ZNF641: variants seen among roughly 807,000 people sequenced by gnomAD.
The protein encoded by ZNF641 is zinc finger protein 641.
In ZNF641, 26 loss-of-function variants were observed where a neutral mutation model predicts 46.2. The ratio of observed to expected loss-of-function variants is 0.56; its 90% CI spans 0.41 to 0.78. ZNF641 has a LOEUF of 0.78. ZNF641 is among the 30% of genes least tolerant of loss of function. The pLI is 0.00. For missense variants in ZNF641, 469 were observed against 517.8 expected, an observed-to-expected ratio of 0.91 and a Z score of 0.91; for synonymous variants, 163 against 187.9, an observed-to-expected ratio of 0.87 and a Z score of 1.09.
rs1285063926 is a variant in ZNF641 at position 48,340,758 on chromosome 12, T to TA, written c.*2214dup. ...GTTTCTGTCAGATTCAACAGGTCTG[T>TA]ACCCAAGACAGGTTCTGAACCATTG... On this transcript the variant is annotated 3_prime_UTR_variant, in exon 6 of 6. Coordinates refer to ENST00000547026, the MANE Select transcript of ZNF641 (RefSeq NM_001172681.2). 2 of 985,312 alleles carry TA rather than the reference T, an allele frequency of 2.0e-6. No homozygotes were observed. The highest frequency in any genetic ancestry group is 3.5e-5 in the African/African-American group (2 of 57,250). 61.0% of individuals were successfully genotyped at this position (985,312 alleles called of 1,614,324 possible).
rs201234630 is a variant in ZNF641 at position 48,348,129 on chromosome 12, A to G, written c.-25-14T>C. On this transcript the variant is annotated splice_polypyrimidine_tract_variant and intron_variant, in intron 1 of 5. Coordinates refer to ENST00000547026, the MANE Select transcript of ZNF641 (RefSeq NM_001172681.2). ...CCAAATTGTGACCTGGAACAAATTC[A>G]TATCAGCAATGCCCATGAAAATGGG... 1.9e-5 allele frequency: 31 copies of G among 1,613,364 alleles called. No homozygotes were observed. The Admixed American group carries it at 2.7e-4, about 14-fold the overall frequency.
rs1376932952 is a variant in ZNF641 at position 48,343,366 on chromosome 12, G to C, written c.882C>G (p.Ile294Met). The change falls in exon 6 of 6, where the codon ATC becomes ATG. Residue 294 changes from isoleucine (I) to methionine (M), a missense_variant. Ile to Met is a conservative substitution (Grantham distance 10, BLOSUM62 1). Coordinates refer to ENST00000547026, the MANE Select transcript of ZNF641 (RefSeq NM_001172681.2). ...CATGTAGGTGGGTTTTCTGGTGCCT[G>C]ATGAGGTGATGTCTTCGCCCAAAGG... ...EKTFGRRHHLIRHQKTHLHDK... is the reference protein window; with the variant it reads ...EKTFGRRHHLMRHQKTHLHDK... 6.2e-7 allele frequency: 1 copy of C among 1,614,090 alleles called. No homozygotes were observed. The highest frequency in any genetic ancestry group is 8.5e-7 in the Non-Finnish European group (1 of 1,180,048).
chr12:48,344,848 C>A, intron 4 of ZNF641, 136 bp from the exon 5 acceptor site: 1 of 594,582 alleles, frequency 1.7e-6, no homozygotes, highest in East Asian at 2.9e-5. Flanking sequence ...AACATATCCC[C>A]ACCCCAACCT....
At chr12:48,345,565 G>A in intron 3 of ZNF641, 91 bp from the exon 4 acceptor site, 1 of 1,525,068 alleles carries the variant, frequency 6.6e-7, no homozygotes, top group African/African-American at 1.4e-5. Context: ...AGGAGAGAGG[G>A]TGAGAAATGA....
At position 48,339,931 on chromosome 12, in the gene ZNF641, G is replaced by T; in HGVS notation, c.*3042C>A. ...CTTTGAAAGATACTATGTTGGGGTG[G>T]AAAGGGGAGGATACTCAGAATAGGG... On this transcript the variant is annotated 3_prime_UTR_variant, in exon 6 of 6. Coordinates refer to ENST00000547026, the MANE Select transcript of ZNF641 (RefSeq NM_001172681.2). The T allele has an allele frequency of 1.0e-6, 1 of 985,314 alleles. No homozygotes were observed. The highest frequency in any genetic ancestry group is 1.7e-5 in the African/African-American group (1 of 57,366). 61.0% of individuals were successfully genotyped at this position (985,314 alleles called of 1,614,324 possible).
chr12:48,343,284 C>A lies in ZNF641; in HGVS notation c.964G>T (p.Ala322Ser). Residue 322 changes from alanine (A) to serine (S), a missense_variant, in exon 6 of 6, where the codon GCC becomes TCC. Transcript: ENST00000547026. Reference protein sequence around the residue: ...GKNFRCNSHLASHQRVHAEGK... With the variant: ...GKNFRCNSHLSSHQRVHAEGK... ...TCTGCATGCACTCTCTGGTGGCTGG[C>A]CAGATGGGAGTTGCATCGGAAATTC... 11 of 1,614,216 alleles carry A rather than the reference C, an allele frequency of 6.8e-6. No homozygotes were observed. Among genetic ancestry groups the A allele is most frequent in the Non-Finnish European group, 9.3e-6 (11 of 1,180,042 alleles).
At chr12:48,336,728 C>G (rs1473359603), downstream of ZNF641, among the ~76,000 whole-genome samples, 1 of 152,238 alleles carries the variant, frequency 6.6e-6, no homozygotes, top group African/African-American at 2.4e-5. Flanking sequence ...GTCACACTCA[C>G]TACCGCCACC....
rs182538082 is a variant in ZNF641 at position 48,348,264 on chromosome 12, C to T, written c.-25-149G>A. The T allele has an allele frequency of 1.1e-4, 85 of 801,858 alleles. No individual in the cohort carries two copies. The Admixed American group carries it at 1.3e-3, about 12-fold the overall frequency. 49.7% of individuals were successfully genotyped at this position (801,858 alleles called of 1,614,324 possible). A position where few individuals can be genotyped will look rare whatever the true frequency, so the allele number is the denominator to read the frequency against. ...TGAACTTTAAAAGCTTGATGTGTTC[C>T]GATCAACGGAGCCTGCACCAAGCTT... On this transcript the variant is annotated intron_variant, in intron 1 of 5. Transcript: ENST00000547026.
chr12:48,341,295 T>G lies in ZNF641; in HGVS notation c.*1678A>C. The G allele has an allele frequency of 6.1e-6, 6 of 985,430 alleles. No homozygotes were observed. Among genetic ancestry groups the G allele is most frequent in the Non-Finnish European group, 7.2e-6 (6 of 829,926 alleles). The allele number at this position is 985,430 out of a possible 1,614,324, so 61.0% of individuals were successfully genotyped here. On this transcript the variant is annotated 3_prime_UTR_variant, in exon 6 of 6. Transcript: ENST00000547026. ...GTATCTAAGCATTAAAGAGAAAATA[T>G]CCCACTTTGCTCCTCTTCCTCCCTA... is the stretch of plus-strand genomic sequence containing the variant.
Position 48,342,103 on chromosome 12 carries a change from G to A in ZNF641, c.*870C>T. ...CAAGAGGAGAGAGGGGACTGTTCAA[G>A]GGGATAAAGTTTTTTTTGTTTTTCT... On this transcript the variant is annotated 3_prime_UTR_variant, in exon 6 of 6. Transcript: ENST00000547026. 1.0e-6 allele frequency: 1 copy of A among 985,530 alleles called. No individual in the cohort carries two copies. The highest frequency in any genetic ancestry group is 1.2e-6 in the Non-Finnish European group (1 of 830,022). 61.0% of individuals were successfully genotyped at this position (985,530 alleles called of 1,614,324 possible).
Position 48,343,139 on chromosome 12 carries a change from C to T in ZNF641, c.1109G>A (p.Arg370Lys). 6.2e-7 allele frequency: 1 copy of T among 1,614,226 alleles called. No homozygotes were observed. The highest frequency in any genetic ancestry group is 8.5e-7 in the Non-Finnish European group (1 of 1,180,040). Residue 370 changes from arginine to lysine, a missense_variant, in exon 6 of 6, where the codon AGG becomes AAG. By Grantham distance (26) the Arg-to-Lys change is conservative. Around this residue, in one of 3 missense-constraint regions of ZNF641, gnomAD observed 346 missense variants for 354.0 expected, o/e 0.98. Coordinates refer to ENST00000547026, the MANE Select transcript of ZNF641 (RefSeq NM_001172681.2). ...CTECGKSFGR[R>K]HHLVRHWLTH... is the part of the protein sequence containing the mutation. ...CAGCCAGTGTCTCACAAGGTGGTGC[C>T]TTCGGCCAAAGCTCTTCCCACATTC...
chr12:48,336,121 C>CA (rs113560166), downstream of ZNF641, among the ~76,000 whole-genome samples: 452 of 152,000 alleles, frequency 3.0e-3, 3 homozygotes, highest in African/African-American at 5.8e-3. Flanking sequence ...ACATAAATAC[C>CA]AAAAAAATAG....
rs779820455 is a variant in ZNF641 at position 48,344,623 on chromosome 12, C to T, written c.496G>A (p.Asp166Asn). Residue 166 changes from aspartate to asparagine, a missense_variant, in exon 5 of 6, where the codon GAC (aspartate) becomes AAC (asparagine). By Grantham distance (23) the Asp-to-Asn change is conservative. Transcript: ENST00000547026. ...CCTGTATATGTGACCCTCAGAATGT[C>T]CCTCTCCTCTAAGTCCTGGGGGTCA... is the stretch of plus-strand genomic sequence containing the variant. ...VPDPQDLEERDILRVTYTGDG... is the reference protein window; with the variant it reads ...VPDPQDLEERNILRVTYTGDG... The T allele has an allele frequency of 1.2e-6, 2 of 1,612,886 alleles. No homozygotes were observed. The highest frequency in any genetic ancestry group is 1.7e-6 in the Non-Finnish European group (2 of 1,178,962).
intron 1 of ZNF641, among the ~76,000 whole-genome samples, chr12:48,349,457 T>G (rs1361912789): frequency 6.6e-6 from 1 of 152,208 alleles, no homozygotes; most frequent in Non-Finnish European, 1.5e-5. Context: ...CTTACTTACA[T>G]CCTTTCAATA....
downstream of ZNF641, among the ~76,000 whole-genome samples, chr12:48,336,090 T>G (rs770013623): frequency 2.6e-5 from 4 of 152,200 alleles, no homozygotes; most frequent in Admixed American, 1.3e-4. Context: ...AATTTAGAAA[T>G]GCATGTTTAA....
intron 4 of ZNF641, among the ~76,000 whole-genome samples, chr12:48,344,939 CT>C (rs1952826926): frequency 6.6e-6 from 1 of 152,096 alleles, no homozygotes; most frequent in South Asian, 2.1e-4. Context: ...TTTTCTTCCA[CT>C]CAGATACTTC....
Position 48,341,120 on chromosome 12 carries a change from T to C in ZNF641, c.*1853A>G. 4.1e-6 allele frequency: 4 copies of C among 985,490 alleles called. No homozygotes were observed. Among genetic ancestry groups the C allele is most frequent in the Non-Finnish European group, 4.8e-6 (4 of 829,950 alleles). 61.0% of individuals were successfully genotyped at this position (985,490 alleles called of 1,614,324 possible). ...AAAATAAGTCTATCTTCAATTCTAG[T>C]TGAGTCCAGGACTCTGAGGAGCTGT... On this transcript the variant is annotated 3_prime_UTR_variant, in exon 6 of 6. Coordinates refer to ENST00000547026, the MANE Select transcript of ZNF641 (RefSeq NM_001172681.2).
rs1468232061 is a variant in ZNF641 at position 48,350,858 on chromosome 12, T to C, written c.-98A>G. 32 of 984,848 alleles carry C rather than the reference T, an allele frequency of 3.2e-5. No individual in the cohort carries two copies. Among genetic ancestry groups the C allele is most frequent in the Non-Finnish European group, 3.9e-5 (32 of 829,734 alleles). The allele number at this position is 984,848 out of a possible 1,614,324, so 61.0% of individuals were successfully genotyped here. A position where few individuals can be genotyped will look rare whatever the true frequency, so the allele number is the denominator to read the frequency against. On this transcript the variant is annotated 5_prime_UTR_variant, in exon 1 of 6. Coordinates refer to ENST00000547026, the MANE Select transcript of ZNF641 (RefSeq NM_001172681.2). Reference sequence around the variant, plus strand: ...CCTGCCCCTCCCCTCCGCCCTCCGCTTGCGTCTGGGAGCCGGCGGCCGGCG... The same window carrying C: ...CCTGCCCCTCCCCTCCGCCCTCCGCCTGCGTCTGGGAGCCGGCGGCCGGCG...
rs981364176 is a variant in ZNF641, at chr12:48,340,737, C to G, written c.*2236G>C. On this transcript the variant is annotated 3_prime_UTR_variant, in exon 6 of 6. Transcript: ENST00000547026. ...TTTCTCAAAAGTGCGTTTCTGGTTT[C>G]TGTCAGATTCAACAGGTCTGTACCC... 6 of 985,334 alleles carry G rather than the reference C, an allele frequency of 6.1e-6. No homozygotes were observed. In the Admixed American group the frequency reaches 3.7e-4, roughly 61 times the overall value. 61.0% of individuals were successfully genotyped at this position (985,334 alleles called of 1,614,324 possible).
Sources: gnomAD v4.1 joint callset for allele counts (sites outside exome capture counted in the v4.1 genomes callset) on GRCh38, gnomAD v4.1.1 for gene constraint, gnomAD v4.1.1 regional missense constraint, MANE v1.5 for transcripts, NCBI Gene and HGNC (gene_info 2026-07-23, HGNC 2026-07-21) for gene names.